NSMCE2: variants seen among roughly 807,000 people sequenced by gnomAD.
The protein encoded by NSMCE2 is NSE2 SUMO ligase component of SMC5/6 complex, also known as E3 SUMO-protein ligase NSE2.
NSMCE2 carries 24 observed loss-of-function variants against 23.8 expected under a neutral mutation model. The ratio of observed to expected loss-of-function variants is 1.01; its 90% CI spans 0.73 to 1.42. The LOEUF (loss-of-function observed/expected upper bound fraction) is 1.42. NSMCE2 is among the 40% of genes most tolerant of loss of function. The pLI, the probability that NSMCE2 is intolerant of heterozygous loss-of-function variation, is 0.00. For missense variants in NSMCE2, 284 were observed against 296.5 expected (o/e 0.96, Z 0.31); for synonymous variants, 92 against 94.1 (o/e 0.98, Z 0.13).
intron 5 of NSMCE2, among the ~76,000 whole-genome samples, chr8:125,303,885 G>A (rs1828657586): frequency 6.6e-6 from 1 of 152,130 alleles, no homozygotes; most frequent in East Asian, 1.9e-4. Context: ...TTTGTATAAC[G>A]TGTCCCTAAG....
chr8:125,269,256 T>A (rs574976051), intron 5 of NSMCE2, among the ~76,000 whole-genome samples: 1 of 152,144 alleles, frequency 6.6e-6, no homozygotes, highest in South Asian at 2.1e-4. Context: ...CTTGGCTAAT[T>A]TTTGTATTTT....
Position 125,108,242 on chromosome 8 carries a change from C to T in NSMCE2, c.157+5755C>T, listed in dbSNP as rs535688755. On this transcript the variant is annotated intron_variant, in intron 3 of 7. Transcript: ENST00000287437. ...TCCTCTGCAGAGAGAAAGCCAAGGG[C>T]AATCACTCCCACTGGGGTAATTCAG... Among the ~76,000 whole-genome samples the T allele has an allele frequency of 3.1e-3, 470 of 152,246 alleles. 3 individuals carry two copies. The highest frequency in any genetic ancestry group is 0.011 in the African/African-American group (453 of 41,546).
At chr8:125,157,444 G>A (rs1463904150) in intron 4 of NSMCE2, among the ~76,000 whole-genome samples, 1 of 152,158 alleles carries the variant, frequency 6.6e-6, no homozygotes, top group Non-Finnish European at 1.5e-5. Flanking sequence ...AAAGAAAGTT[G>A]ACTTTAGGTA....
At chr8:125,260,579 T>C (rs1826646580) in intron 5 of NSMCE2, among the ~76,000 whole-genome samples, 1 of 149,032 alleles carries the variant, frequency 6.7e-6, no homozygotes, top group South Asian at 2.2e-4. Flanking sequence ...TGGATCTAGG[T>C]GGCCGTCTTC....
Position 125,210,278 on chromosome 8 carries a change from A to G in NSMCE2, c.418+28022A>G, listed in dbSNP as rs112279172. On this transcript the variant is annotated intron_variant, in intron 5 of 7. Coordinates refer to ENST00000287437, the MANE Select transcript of NSMCE2 (RefSeq NM_173685.4). Reference sequence around the variant, plus strand: ...AGTAAATGTTATGTGTTAGCTATTCATTACTGTCATTATTACTACATCATG... The same window carrying G: ...AGTAAATGTTATGTGTTAGCTATTCGTTACTGTCATTATTACTACATCATG... 5.7e-4 allele frequency among the ~76,000 whole-genome samples: 87 copies of G among 152,304 alleles called. 1 individual carries two copies. The highest frequency in any genetic ancestry group is 6.2e-4 in the South Asian group (3 of 4,830).
chr8:125,124,547 A>G (rs1384087712), intron 3 of NSMCE2, among the ~76,000 whole-genome samples: 4 of 151,872 alleles, frequency 2.6e-5, no homozygotes, highest in Non-Finnish European at 5.9e-5. Flanking sequence ...GGGGTGATCA[A>G]CAGCTCACTG....
chr8:125,137,970 G>A (rs1395061484), intron 3 of NSMCE2, among the ~76,000 whole-genome samples: 1 of 152,206 alleles, frequency 6.6e-6, no homozygotes, highest in African/African-American at 2.4e-5. Context: ...TTAACTTCCT[G>A]ATAGAAAACC....
At chr8:125,327,659 C>T (rs1390990210) in intron 5 of NSMCE2, among the ~76,000 whole-genome samples, 1 of 143,252 alleles carries the variant, frequency 7.0e-6, no homozygotes, top group Non-Finnish European at 1.6e-5. Context: ...GTGTTGGGCA[C>T]AGAATATAAG....
intron 5 of NSMCE2, among the ~76,000 whole-genome samples, chr8:125,227,173 A>G (rs1175710766): frequency 6.6e-6 from 1 of 152,072 alleles, no homozygotes; most frequent in East Asian, 1.9e-4. Context: ...GCCCATCCTC[A>G]AATTGGGGGG....
chr8:125,108,617 A>G (rs953307687), intron 3 of NSMCE2, among the ~76,000 whole-genome samples: 1 of 152,212 alleles, frequency 6.6e-6, no homozygotes, highest in Non-Finnish European at 1.5e-5. Context: ...TCTCAGCCAC[A>G]ATGTTAATTC....
intron 3 of NSMCE2, among the ~76,000 whole-genome samples, chr8:125,137,942 T>C (rs1820155766): frequency 6.6e-6 from 1 of 152,224 alleles, no homozygotes; most frequent in Non-Finnish European, 1.5e-5. Flanking sequence ...ATGTGCTCAA[T>C]AGATGTTTGC....
chr8:125,107,827 A>T (rs1397501310), intron 3 of NSMCE2, among the ~76,000 whole-genome samples: 1 of 152,166 alleles, frequency 6.6e-6, no homozygotes, highest in Non-Finnish European at 1.5e-5. Flanking sequence ...TGAGCTCAGG[A>T]GTTTGATACT....
chr8:125,137,452 T>C (rs964652825), intron 3 of NSMCE2, among the ~76,000 whole-genome samples: 1 of 152,206 alleles, frequency 6.6e-6, no homozygotes, highest in African/African-American at 2.4e-5. Context: ...TGTAGAGATA[T>C]GCTAATCTAA....
intron 5 of NSMCE2, among the ~76,000 whole-genome samples, chr8:125,300,636 C>T (rs1828523073): frequency 6.6e-6 from 1 of 152,182 alleles, no homozygotes; most frequent in African/African-American, 2.4e-5. Context: ...AACATCGTCC[C>T]TGCACTGAAG....
At chr8:125,345,663 T>C (rs1004096319) in intron 5 of NSMCE2, among the ~76,000 whole-genome samples, 1 of 152,194 alleles carries the variant, frequency 6.6e-6, no homozygotes, top group Non-Finnish European at 1.5e-5. Flanking sequence ...ACAGAGGAAA[T>C]GCCTGAATTG....
chr8:125,324,468 CAAA>C (rs71295840), intron 5 of NSMCE2, among the ~76,000 whole-genome samples: 4 of 106,502 alleles, frequency 3.8e-5, no homozygotes, highest in Non-Finnish European at 1.7e-5. Context: ...TACTACTCAG[CAAA>C]AAAAAAAAAA....
intron 5 of NSMCE2, among the ~76,000 whole-genome samples, chr8:125,298,741 T>C (rs1189696411): frequency 6.6e-6 from 1 of 150,750 alleles, no homozygotes; most frequent in African/African-American, 2.4e-5. Flanking sequence ...CAGGAACTTC[T>C]GATTCATTTA....
chr8:125,204,213 GAT>G (rs999227168), intron 5 of NSMCE2, among the ~76,000 whole-genome samples: 1 of 152,202 alleles, frequency 6.6e-6, no homozygotes, highest in African/African-American at 2.4e-5. Context: ...GGGAATAAAA[GAT>G]AGGTCAAGGC....
intron 3 of NSMCE2, among the ~76,000 whole-genome samples, chr8:125,137,972 T>C (rs1820157237): frequency 6.6e-6 from 1 of 152,180 alleles, no homozygotes; most frequent in Admixed American, 6.5e-5. Context: ...AACTTCCTGA[T>C]AGAAAACCAA....
Sources: gnomAD v4.1 joint callset for allele counts (sites outside exome capture counted in the v4.1 genomes callset) on GRCh38, gnomAD v4.1.1 for gene constraint, MANE v1.5 for transcripts, NCBI Gene and HGNC (gene_info 2026-07-23, HGNC 2026-07-21) for gene names.